Variants in CENPL observed in about 807,000 individuals in gnomAD.
CENPL encodes interphase centromere complex protein 33.
CENPL carries 20 observed loss-of-function variants against 35.2 expected under a neutral mutation model. The ratio of observed to expected loss-of-function variants is 0.57; its 90% CI spans 0.40 to 0.83. CENPL has a LOEUF of 0.83. Ranked by LOEUF, CENPL falls within the 40% of genes least tolerant of loss-of-function variation. The pLI, the probability that CENPL is intolerant of heterozygous loss-of-function variation, is 0.00. For missense variants in CENPL, 363 were observed against 395.8 expected (o/e 0.92, Z 0.70); for synonymous variants, 140 against 140.6 (o/e 1.00, Z 0.03).
chr1:173,805,963 C>T (rs1304281626), intron 4 of CENPL, among the ~76,000 whole-genome samples: 4 of 152,090 alleles, frequency 2.6e-5, no homozygotes, highest in African/African-American at 9.7e-5. Context: ...CAGGGGTCAG[C>T]AAATTTTTTC....
rs201503459 is a variant in CENPL at position 173,801,159 on chromosome 1, T to C, written c.964-640A>G. ...CTTGATTCTTCCTCTTGATAATCTATCTTGCTTGTCATTTAAACCTATCTT... is the reference window on the plus strand; with the variant it reads ...CTTGATTCTTCCTCTTGATAATCTACCTTGCTTGTCATTTAAACCTATCTT... On this transcript the variant is annotated intron_variant, in intron 5 of 5. Coordinates refer to ENST00000682279, the MANE Select transcript of CENPL (RefSeq NM_001387287.1). Among the ~76,000 whole-genome samples, 4 of 150,220 alleles carry C rather than the reference T, an allele frequency of 2.7e-5. No individual in the cohort carries two copies. The East Asian group carries it at 7.7e-4, about 29-fold the overall frequency.
chr1:173,800,928 G>C (rs2102557245), intron 5 of CENPL, among the ~76,000 whole-genome samples: 1 of 152,304 alleles, frequency 6.6e-6, no homozygotes, highest in East Asian at 1.9e-4. Context: ...CTGCATTCCA[G>C]CCTGGGTGAA....
At position 173,806,134 on chromosome 1, in the gene CENPL, G is replaced by A. The variant is rs556750216; in HGVS notation, c.420+1133C>T. 2.8e-4 allele frequency among the ~76,000 whole-genome samples: 43 copies of A among 152,368 alleles called. No homozygotes were observed. The South Asian group carries it at 7.7e-3, about 27-fold the overall frequency. The stretch of plus-strand genomic sequence containing the variant: ...AAAACCTTATTTACAAAAACAAGCA[G>A]CAGATCAGATTTGGCCTATGGGCCA... On this transcript the variant is annotated intron_variant, in intron 4 of 5. Coordinates refer to ENST00000682279, the MANE Select transcript of CENPL (RefSeq NM_001387287.1).
chr1:173,803,387 C>A lies in CENPL; in HGVS notation c.539G>T (p.Cys180Phe). Residue 180 changes from cysteine to phenylalanine, a missense_variant, in exon 5 of 6, where the codon TGT becomes TTT. Cys to Phe is a radical substitution (Grantham distance 205). Coordinates refer to ENST00000682279, the MANE Select transcript of CENPL (RefSeq NM_001387287.1). ...LLETVSEDFT[C>F]LPLFLANGAE... ...TCCATTTGCAAGGAATAAGGGCAGACAGGTGAAATCTTCTGAAACAGTCTC... is the reference window on the plus strand; with the variant it reads ...TCCATTTGCAAGGAATAAGGGCAGAAAGGTGAAATCTTCTGAAACAGTCTC... The A allele has an allele frequency of 5.0e-6, 8 of 1,614,052 alleles. No homozygotes were observed. Among genetic ancestry groups the A allele is most frequent in the Non-Finnish European group, 6.8e-6 (8 of 1,179,922 alleles).
At chr1:173,813,301 T>C (rs1295974259) in intron 2 of CENPL, among the ~76,000 whole-genome samples, 4 of 152,094 alleles carry the variant, frequency 2.6e-5, no homozygotes, top group Admixed American at 2.0e-4. Context: ...CAGGCCAACA[T>C]TCAAATTCAG....
At chr1:173,802,402 T>G (rs918830798) in intron 5 of CENPL, among the ~76,000 whole-genome samples, 1 of 152,094 alleles carries the variant, frequency 6.6e-6, no homozygotes, top group Non-Finnish European at 1.5e-5. Context: ...GAGACGGGGT[T>G]TCACCGTGTT....
At chr1:173,806,187 CAAAA>C (rs1650209847) in intron 4 of CENPL, among the ~76,000 whole-genome samples, 1 of 152,224 alleles carries the variant, frequency 6.6e-6, no homozygotes, top group East Asian at 1.9e-4. Flanking sequence ...TCTATACAAA[CAAAA>C]AGTCAGTCCT....
intron 3 of CENPL, among the ~76,000 whole-genome samples, chr1:173,810,329 A>G (rs1370144314): frequency 6.6e-6 from 1 of 152,132 alleles, no homozygotes; most frequent in African/African-American, 2.4e-5. Context: ...ATGGAAACAT[A>G]GAGGGGAACA....
At chr1:173,820,531 T>C (rs559944663) in intron 2 of CENPL, among the ~76,000 whole-genome samples, 5 of 152,178 alleles carry the variant, frequency 3.3e-5, no homozygotes, top group African/African-American at 1.2e-4. Context: ...AATAAATAAA[T>C]ACATAAACTA....
intron 4 of CENPL, among the ~76,000 whole-genome samples, chr1:173,806,773 G>A (rs1005939482): frequency 4.6e-5 from 7 of 152,018 alleles, no homozygotes; most frequent in Admixed American, 4.6e-4. Context: ...TCTGCCCGCC[G>A]TAGCCTCCCA....
intron 2 of CENPL, among the ~76,000 whole-genome samples, chr1:173,818,255 A>G (rs923746794): frequency 6.6e-6 from 1 of 152,216 alleles, no homozygotes; most frequent in Non-Finnish European, 1.5e-5. Context: ...CCGTATCCAG[A>G]GTAATCCATT....
At chr1:173,813,033 A>G (rs1301325606) in intron 2 of CENPL, among the ~76,000 whole-genome samples, 3 of 152,238 alleles carry the variant, frequency 2.0e-5, no homozygotes, top group Non-Finnish European at 4.4e-5. Flanking sequence ...TGCATGCACA[A>G]GCTTCAATAG....
At position 173,800,224 on chromosome 1, in the gene CENPL, G is replaced by A. The variant is rs1169077662; in HGVS notation, c.*224C>T. On this transcript the variant is annotated 3_prime_UTR_variant, in exon 6 of 6. Coordinates refer to ENST00000682279, the MANE Select transcript of CENPL (RefSeq NM_001387287.1). ...CAGCATTTTGAGAATGGCATGTCAG[G>A]TTATCATGATTAGTACATGGGCACC... 1 of 345,246 alleles carries A rather than the reference G, an allele frequency of 2.9e-6. No individual in the cohort carries two copies. The highest frequency in any genetic ancestry group is 5.4e-6 in the Non-Finnish European group (1 of 185,732). The allele number at this position is 345,246 out of a possible 1,614,324, so 21.4% of individuals were successfully genotyped here. A position where few individuals can be genotyped will look rare whatever the true frequency, so the allele number is the denominator to read the frequency against.
intron 2 of CENPL, among the ~76,000 whole-genome samples, chr1:173,816,336 T>C (rs570583913): frequency 5.3e-5 from 8 of 152,262 alleles, no homozygotes; most frequent in South Asian, 2.1e-4. Flanking sequence ...AAAACTACTT[T>C]AAAGTTCATA....
chr1:173,821,390 T>C (rs928443205), intron 2 of CENPL, among the ~76,000 whole-genome samples: 1 of 152,160 alleles, frequency 6.6e-6, no homozygotes, highest in Non-Finnish European at 1.5e-5. Context: ...CAGGGATCAA[T>C]TATGAGGCAA....
At chr1:173,818,185 TAAA>T (rs907292007) in intron 2 of CENPL, among the ~76,000 whole-genome samples, 2 of 150,276 alleles carry the variant, frequency 1.3e-5, no homozygotes, top group Non-Finnish European at 3.0e-5. Context: ...TTAAAAATGT[TAAA>T]AAAAAAATCT....
chr1:173,812,531 CAG>C (rs2102591415), intron 2 of CENPL, among the ~76,000 whole-genome samples: 1 of 152,344 alleles, frequency 6.6e-6, no homozygotes, highest in East Asian at 1.9e-4. Context: ...CCCAGGCAAA[CAG>C]AGTCTGGAGT....
At chr1:173,801,517 G>A (rs1649747592) in intron 5 of CENPL, among the ~76,000 whole-genome samples, 2 of 137,016 alleles carry the variant, frequency 1.5e-5, no homozygotes, top group Non-Finnish European at 3.1e-5. Context: ...CCATCTCGAA[G>A]GAAAAAAAAA....
intron 2 of CENPL, chr1:173,822,476 T>G (rs1445558348): frequency 1.3e-5 from 2 of 152,174 alleles, no homozygotes; most frequent in Non-Finnish European, 2.9e-5. Context: ...CTCCTAAATC[T>G]CTGTCTTCAG....
Sources: gnomAD v4.1 joint callset for allele counts (sites outside exome capture counted in the v4.1 genomes callset) on GRCh38, gnomAD v4.1.1 for gene constraint, MANE v1.5 for transcripts, NCBI Gene and HGNC (gene_info 2026-07-23, HGNC 2026-07-21) for gene names.